Variants in MEF2C observed in about 807,000 individuals in gnomAD.
MEF2C encodes the protein myocyte-specific enhancer factor 2C.
MEF2C carries 6 observed loss-of-function variants against 50.5 expected under a neutral mutation model. The ratio of observed to expected loss-of-function variants is 0.12; its 90% CI spans 0.07 to 0.23. The LOEUF is 0.23. MEF2C is among the 10% of genes least tolerant of loss of function. The pLI is 1.00. For missense variants in MEF2C, 276 were observed against 605.0 expected, an observed-to-expected ratio of 0.46 and a Z score of 5.70; for synonymous variants, 183 against 228.0, an observed-to-expected ratio of 0.80 and a Z score of 1.78.
chr5:88,854,501 T>A (rs1348409231), intron 1 of MEF2C, among the ~76,000 whole-genome samples: 1 of 152,320 alleles, frequency 6.6e-6, no homozygotes, highest in South Asian at 2.1e-4. Flanking sequence ...GAAAGTCAGA[T>A]GTGGGAAAGA....
intron 5 of MEF2C, chr5:88,751,490 C>G (rs1165802932): frequency 1.0e-6 from 1 of 985,216 alleles, no homozygotes; most frequent in Non-Finnish European, 1.2e-6. Context: ...GAAGGTTTCA[C>G]AGAAGTGGTA....
chr5:88,796,425 T>G (rs1445432764), intron 3 of MEF2C, among the ~76,000 whole-genome samples: 1 of 152,186 alleles, frequency 6.6e-6, no homozygotes, highest in Non-Finnish European at 1.5e-5. Context: ...TTTATTTGCA[T>G]AGAGGTGTTT....
At chr5:88,777,905 T>TC (rs1168339819) in intron 3 of MEF2C, among the ~76,000 whole-genome samples, 14 of 133,920 alleles carry the variant, frequency 1.0e-4, no homozygotes, top group East Asian at 2.1e-4. Context: ...TTTTCTTTTT[T>TC]TTTTTTTTTT....
At chr5:88,861,090 T>C (rs1825351552) in intron 1 of MEF2C, among the ~76,000 whole-genome samples, 2 of 152,232 alleles carry the variant, frequency 1.3e-5, no homozygotes, top group African/African-American at 4.8e-5. Flanking sequence ...TGTCATAACT[T>C]AAGAAATTAA....
intron 1 of MEF2C, chr5:88,839,690 T>A (rs529548598): frequency 6.6e-6 from 1 of 152,296 alleles, no homozygotes; most frequent in Non-Finnish European, 1.5e-5. Context: ...ATCAAGTAAC[T>A]AGTTCACATA....
intron 5 of MEF2C, among the ~76,000 whole-genome samples, chr5:88,749,815 G>A (rs529487356): frequency 6.6e-6 from 1 of 152,160 alleles, no homozygotes; most frequent in African/African-American, 2.4e-5. Flanking sequence ...CGGATCACGA[G>A]GTCAGGAGAT....
Position 88,856,677 on chromosome 5 carries a change from G to T in MEF2C, c.-143+26278C>A, listed in dbSNP as rs577747550. 3.0e-4 allele frequency among the ~76,000 whole-genome samples: 45 copies of T among 152,354 alleles called. No homozygotes were observed. The East Asian group carries it at 3.1e-3, about 10-fold the overall frequency. ...AAAACAGCCTGAGGGAACAGCTCAGGCTGTTGCTTCAGAGGGTTCAAGCTC... is the reference window on the plus strand; with the variant it reads ...AAAACAGCCTGAGGGAACAGCTCAGTCTGTTGCTTCAGAGGGTTCAAGCTC... On this transcript the variant is annotated intron_variant, in intron 1 of 10. Transcript: ENST00000504921.
At chr5:88,750,091 G>A in intron 5 of MEF2C, 1 of 734,968 alleles carries the variant, frequency 1.4e-6, no homozygotes. Flanking sequence ...GAATAATAGT[G>A]AGAATATCAT....
intron 3 of MEF2C, among the ~76,000 whole-genome samples, chr5:88,802,959 C>A (rs903345371): frequency 7.2e-5 from 11 of 152,120 alleles, no homozygotes; most frequent in East Asian, 3.8e-4. Context: ...AACTCAAATT[C>A]TTTTGTTACC....
At chr5:88,746,042 G>C (rs1045597220) in intron 6 of MEF2C, among the ~76,000 whole-genome samples, 18 of 152,334 alleles carry the variant, frequency 1.2e-4, no homozygotes, top group Non-Finnish European at 2.6e-4. Context: ...CTTGATAGCA[G>C]TGGCAGAAGG....
At chr5:88,863,673 G>A (rs1053149294) in intron 1 of MEF2C, among the ~76,000 whole-genome samples, 1 of 152,062 alleles carries the variant, frequency 6.6e-6, no homozygotes, top group Non-Finnish European at 1.5e-5. Flanking sequence ...TCTGGAAACT[G>A]CCTTTCTACT....
intron 2 of MEF2C, among the ~76,000 whole-genome samples, chr5:88,814,359 G>A (rs1008742096): frequency 7.9e-5 from 12 of 151,724 alleles, no homozygotes; most frequent in African/African-American, 2.4e-4. Flanking sequence ...ATACAATGAC[G>A]GGGCCTGCCA....
intron 6 of MEF2C, chr5:88,741,626 G>C (rs1241209343): frequency 9.2e-6 from 9 of 979,722 alleles, no homozygotes; most frequent in African/African-American, 1.8e-5. Flanking sequence ...ATGTAAACTG[G>C]CCATAGATTT....
intron 3 of MEF2C, among the ~76,000 whole-genome samples, chr5:88,774,058 G>C (rs1407105990): frequency 1.3e-5 from 2 of 152,212 alleles, no homozygotes; most frequent in Non-Finnish European, 2.9e-5. Context: ...TTAGCATAAG[G>C]ACAGGAAACC....
chr5:88,814,018 A>G (rs1199247270), intron 2 of MEF2C, among the ~76,000 whole-genome samples: 1 of 152,078 alleles, frequency 6.6e-6, no homozygotes, highest in African/African-American at 2.4e-5. Flanking sequence ...CTAATGAGTG[A>G]CAGATGGACA....
chr5:88,735,002 C>A, intron 6 of MEF2C: 1 of 985,220 alleles, frequency 1.0e-6, no homozygotes, highest in East Asian at 1.1e-4. Context: ...ATTTTGGAGC[C>A]GTATAATAAC....
intron 3 of MEF2C, among the ~76,000 whole-genome samples, chr5:88,798,571 C>A (rs974784202): frequency 2.0e-5 from 3 of 152,040 alleles, no homozygotes; most frequent in African/African-American, 7.2e-5. Context: ...AGCTTCCTTG[C>A]ATTGAGTTAG....
chr5:88,865,172 C>G (rs1425550714), intron 1 of MEF2C, among the ~76,000 whole-genome samples: 4 of 152,182 alleles, frequency 2.6e-5, no homozygotes, highest in African/African-American at 9.7e-5. Context: ...GTTAGGATTA[C>G]AGGCAAGAGC....
At chr5:88,790,959 G>T (rs953357902) in intron 3 of MEF2C, among the ~76,000 whole-genome samples, 1 of 152,112 alleles carries the variant, frequency 6.6e-6, no homozygotes, top group African/African-American at 2.4e-5. Flanking sequence ...TTAATGAAAA[G>T]AGCCATCATC....
Sources: gnomAD v4.1 joint callset for allele counts (sites outside exome capture counted in the v4.1 genomes callset) on GRCh38, gnomAD v4.1.1 for gene constraint, MANE v1.5 for transcripts, NCBI Gene and HGNC (gene_info 2026-07-23, HGNC 2026-07-21) for gene names.